Variants in ZNF180 observed in about 807,000 individuals in gnomAD.
ZNF180 encodes zinc finger protein 180, also known as zinc finger protein 180 (HHZ168).
ZNF180 carries 11 observed loss-of-function variants against 11.8 expected under a neutral mutation model. That is an observed-to-expected ratio of 0.93 (90% CI 0.59 to 1.55). The LOEUF is 1.55. Ranked by LOEUF, ZNF180 falls within the 40% of genes most tolerant of loss-of-function variation. The probability of loss-of-function intolerance (pLI) is 0.00; values close to 1 mark genes in which losing one functional copy is unlikely to be tolerated. For synonymous variants in ZNF180, 287 were observed against 257.7 expected, an observed-to-expected ratio of 1.11 and a Z score of -1.09; for missense variants, 773 against 781.7, an observed-to-expected ratio of 0.99 and a Z score of 0.13.
rs917388653 is a variant in ZNF180 at position 44,475,250 on chromosome 19, G to C, written c.*1152C>G. The C allele has an allele frequency of 6.6e-6, 1 of 152,224 alleles. No homozygotes were observed. The highest frequency in any genetic ancestry group is 1.5e-5 in the Non-Finnish European group (1 of 68,052). 9.4% of individuals were successfully genotyped at this position (152,224 alleles called of 1,614,324 possible). ...GCATAATTTAGACGGTCAGCACTGA[G>C]CCAGGGAAGCACCCTTCTATTCAGA... On this transcript the variant is annotated 3_prime_UTR_variant, in exon 5 of 5. Transcript: ENST00000592529.
At chr19:44,493,771 G>A (rs1036201295) in intron 2 of ZNF180, among the ~76,000 whole-genome samples, 1 of 135,542 alleles carries the variant, frequency 7.4e-6, no homozygotes, top group Non-Finnish European at 1.6e-5. Flanking sequence ...CTCTCACTGG[G>A]ATCACCTGCT....
chr19:44,483,099 G>A (rs1317489400), intron 3 of ZNF180, among the ~76,000 whole-genome samples: 1 of 152,194 alleles, frequency 6.6e-6, no homozygotes, highest in Non-Finnish European at 1.5e-5. Flanking sequence ...TTGCTCCACT[G>A]TATTGGCTCA....
At chr19:44,499,328 C>A (rs1015020805) in intron 1 of ZNF180, among the ~76,000 whole-genome samples, 7 of 152,212 alleles carry the variant, frequency 4.6e-5, no homozygotes, top group Non-Finnish European at 1.0e-4. Flanking sequence ...CTCTACTAAC[C>A]TGCACATTCT....
chr19:44,492,951 C>A (rs529639577), intron 2 of ZNF180, among the ~76,000 whole-genome samples: 12 of 152,200 alleles, frequency 7.9e-5, no homozygotes, highest in African/African-American at 2.2e-4. Flanking sequence ...TGTGGGAGGC[C>A]CTGAGGTTTC....
chr19:44,500,115 C>A, intron 1 of ZNF180, 160 bp downstream of exon 1: 1 of 1,592,306 alleles, frequency 6.3e-7, no homozygotes, highest in South Asian at 1.1e-5. Flanking sequence ...GAATATACAG[C>A]TGTATCAGTA....
At position 44,477,185 on chromosome 19, in the gene ZNF180, A is replaced by C; in HGVS notation, c.1215T>G (p.Thr405=). ...YVLVVHQRTH[T]GEKPYECNQC... is the part of the protein sequence containing the mutation. ...GATTGCATTCATAAGGCTTCTCCCC[A>C]GTATGAGTTCTTTGATGCACAACAA... Residue 405 remains threonine, a synonymous_variant, in exon 5 of 5, where the codon ACT becomes ACG. Transcript: ENST00000592529. The C allele has an allele frequency of 6.2e-7, 1 of 1,613,370 alleles. No individual in the cohort carries two copies. The highest frequency in any genetic ancestry group is 8.5e-7 in the Non-Finnish European group (1 of 1,179,384).
At chr19:44,486,396 G>A (rs1266524910) in intron 2 of ZNF180, among the ~76,000 whole-genome samples, 1 of 152,164 alleles carries the variant, frequency 6.6e-6, no homozygotes, top group African/African-American at 2.4e-5. Flanking sequence ...TTGGAAACCA[G>A]GAAAGGTGCT....
rs749993199 is a variant in ZNF180 at position 44,476,259 on chromosome 19, T to G, written c.*143A>C. ...TCCCCCTTTCTTTTCCAGAACAAAT[T>G]TGAGACACACAATTAACAGAGGGCT... On this transcript the variant is annotated 3_prime_UTR_variant, in exon 5 of 5. Transcript: ENST00000592529. 6.3e-6 allele frequency: 5 copies of G among 793,000 alleles called. No homozygotes were observed. The highest frequency in any genetic ancestry group is 9.2e-6 in the Non-Finnish European group (5 of 543,006). 49.1% of individuals were successfully genotyped at this position (793,000 alleles called of 1,614,324 possible).
intron 2 of ZNF180, among the ~76,000 whole-genome samples, chr19:44,488,796 G>A (rs1272139518): frequency 2.7e-5 from 4 of 148,744 alleles, no homozygotes; most frequent in East Asian, 4.0e-4. Flanking sequence ...TCTGCCCGGC[G>A]GCCATCCCAT....
intron 2 of ZNF180, among the ~76,000 whole-genome samples, chr19:44,488,289 T>C (rs569728311): frequency 5.2e-4 from 78 of 149,070 alleles, no homozygotes; most frequent in African/African-American, 1.8e-3. Context: ...TCTCCCTCTC[T>C]TTCCACGGTC....
intron 3 of ZNF180, among the ~76,000 whole-genome samples, chr19:44,480,147 C>T (rs956694376): frequency 2.0e-5 from 3 of 152,128 alleles, no homozygotes; most frequent in Admixed American, 6.5e-5. Flanking sequence ...CACTCTGTTG[C>T]CCAGGCTGGA....
Position 44,476,935 on chromosome 19 carries a change from T to A in ZNF180, c.1465A>T (p.Thr489Ser), listed in dbSNP as rs375579919. The A allele has an allele frequency of 6.2e-7, 1 of 1,613,812 alleles. No homozygotes were observed. Among genetic ancestry groups the A allele is most frequent in the East Asian group, 2.2e-5 (1 of 44,786 alleles). The change falls in exon 5 of 5, where the codon ACA becomes TCA. Residue 489 changes from threonine (T) to serine (S), a missense_variant. Transcript: ENST00000592529. ...TTACATTCAAAGGGTTTTTCTCCTG[T>A]GTGAGTTCTCTGATGAGCAACAAGT... The part of the protein sequence containing the change: ...YKLVAHQRTH[T>S]GEKPFECNQC...
rs1177832771 is a variant in ZNF180 at position 44,477,471 on chromosome 19, C to CTAT, written c.926_928dup (p.His309_Ser310insAsn). On this transcript the variant is annotated inframe_insertion, in exon 5 of 5. Transcript: ENST00000592529. The stretch of plus-strand genomic sequence containing the variant: ...TCTCATGTTTTGAGTAAGGGAGGAA[C>CTAT]TATGAGAGGTTTCACTACATTTATA... 6.2e-7 allele frequency: 1 copy of CTAT among 1,613,926 alleles called. No homozygotes were observed. The highest frequency in any genetic ancestry group is 1.3e-5 in the African/African-American group (1 of 74,920).
Position 44,484,315 on chromosome 19 carries a change from C to T in ZNF180, c.126+46G>A, listed in dbSNP as rs763134348. The T allele has an allele frequency of 1.4e-5, 20 of 1,479,096 alleles. No individual in the cohort carries two copies. The South Asian group carries it at 2.2e-4, about 16-fold the overall frequency. The allele number at this position is 1,479,096 out of a possible 1,614,324, so 91.6% of individuals were successfully genotyped here. On this transcript the variant is annotated intron_variant, in intron 3 of 4. Transcript: ENST00000592529. Reference sequence around the variant, plus strand: ...TCCTCACTTTCTACTCACTTCCCAGCCATGCACATTTCTCAGTGTAAAGAC... The same window carrying T: ...TCCTCACTTTCTACTCACTTCCCAGTCATGCACATTTCTCAGTGTAAAGAC...
In ZNF180 at chr19:44,499,542, T is replaced by C. The variant is rs548556009; in HGVS notation, c.-44+733A>G. On this transcript the variant is annotated intron_variant, in intron 1 of 4. Transcript: ENST00000592529. ...AGAGCTCTGCACTATCCTACATAGG[T>C]CCCTACTATCAGTTCAAGTTTCTGT... Among the ~76,000 whole-genome samples the C allele has an allele frequency of 8.5e-5, 13 of 152,192 alleles. No individual in the cohort carries two copies. In the South Asian group the frequency reaches 2.7e-3, roughly 32 times the overall value.
chr19:44,496,701 G>GA (rs1262641782), intron 2 of ZNF180: 37 of 134,392 alleles, frequency 2.8e-4, no homozygotes, highest in African/African-American at 1.0e-3. Flanking sequence ...AAAAAAAGAA[G>GA]AAAGAAAAGA....
In ZNF180 at chr19:44,476,462, G is replaced by A. The variant is rs1184083378; in HGVS notation, c.1938C>T (p.Ser646=). 1 of 1,613,822 alleles carries A rather than the reference G, an allele frequency of 6.2e-7. No individual in the cohort carries two copies. The highest frequency in any genetic ancestry group is 1.1e-5 in the South Asian group (1 of 91,034). ...TTGCCTGATGCCTAATAAGTTTATA[G>A]CTATTAATGAAAGCTTTTCCACACT... ...CIQCGKAFIN[S]YKLIRHQATH... Residue 646 remains serine, a synonymous_variant, in exon 5 of 5, where the codon AGC becomes AGT. Transcript: ENST00000592529.
chr19:44,483,869 C>T (rs1015708778), intron 3 of ZNF180, among the ~76,000 whole-genome samples: 2 of 151,896 alleles, frequency 1.3e-5, no homozygotes, highest in Non-Finnish European at 2.9e-5. Context: ...ATTTTCAATC[C>T]CTTTAAAAAA....
intron 3 of ZNF180, among the ~76,000 whole-genome samples, chr19:44,480,123 T>C (rs1970040486): frequency 6.6e-6 from 1 of 152,188 alleles, no homozygotes; most frequent in Non-Finnish European, 1.5e-5. Flanking sequence ...TTTTTTTCTT[T>C]TGAGACAAGA....
Sources: allele counts gnomAD v4.1 joint callset (sites outside exome capture counted in the v4.1 genomes callset), GRCh38; gene constraint gnomAD v4.1.1; transcripts MANE v1.5; gene names NCBI Gene and HGNC (gene_info 2026-07-23, HGNC 2026-07-21).